RGS3: variants seen among roughly 807,000 people sequenced by gnomAD.
RGS3 encodes regulator of G protein signaling 3.
RGS3 carries 80 observed loss-of-function variants against 132.6 expected under a neutral mutation model. The observed-to-expected ratio is 0.60, with a 90% CI of 0.50 to 0.73. The LOEUF is 0.73. Among genes scored for constraint, RGS3 ranks in the 30% least tolerant of loss-of-function variants. The pLI, the probability that RGS3 is intolerant of heterozygous loss-of-function variation, is 0.00. For synonymous variants in RGS3, 598 were observed against 620.6 expected (o/e 0.96, Z 0.54); for missense variants, 1,382 against 1,530.8 (o/e 0.90, Z 1.62).
At chr9:113,555,751 C>G (rs1833541410) in intron 19 of RGS3, among the ~76,000 whole-genome samples, 1 of 152,114 alleles carries the variant, frequency 6.6e-6, no homozygotes, top group African/African-American at 2.4e-5. Context: ...AGGCGTGAGC[C>G]ACCCTGGCCG....
At chr9:113,578,848 C>G (rs1301125973) in intron 19 of RGS3, among the ~76,000 whole-genome samples, 1 of 152,154 alleles carries the variant, frequency 6.6e-6, no homozygotes, top group Non-Finnish European at 1.5e-5. Context: ...CCTTCCTGCC[C>G]TTTCTCACTT....
exon 15 of RGS3, chr9:113,514,548 G>A (rs1041033965): frequency 1.2e-6 from 2 of 1,614,210 alleles, no homozygotes; most frequent in Non-Finnish European, 1.7e-6. Context: ...AAGGGCCACG[G>A]GAACTACCAA....
At chr9:113,450,193 T>G (rs1207463700) in intron 1 of RGS3, among the ~76,000 whole-genome samples, 1 of 152,182 alleles carries the variant, frequency 6.6e-6, no homozygotes, top group Non-Finnish European at 1.5e-5. Flanking sequence ...CTCAGCCTCC[T>G]GAGTATTTGG....
At chr9:113,578,562 G>A (rs1834639899) in intron 19 of RGS3, among the ~76,000 whole-genome samples, 1 of 152,126 alleles carries the variant, frequency 6.6e-6, no homozygotes, top group African/African-American at 2.4e-5. Flanking sequence ...GAGGGTCTCT[G>A]AGCTGGTGGC....
chr9:113,558,390 C>G (rs1009021542), intron 19 of RGS3, among the ~76,000 whole-genome samples: 11 of 152,078 alleles, frequency 7.2e-5, no homozygotes, highest in Admixed American at 3.9e-4. Flanking sequence ...GTAATCCCAG[C>G]TACTTGGGAG....
exon 5 of RGS3, chr9:113,483,112 G>A (rs1044955029): frequency 3.7e-6 from 6 of 1,607,650 alleles, no homozygotes; most frequent in Non-Finnish European, 5.1e-6. Flanking sequence ...TGATCCGTAT[G>A]TGAAGGTATG....
At chr9:113,561,240 G>C (rs1463954528) in intron 19 of RGS3, among the ~76,000 whole-genome samples, 1 of 151,882 alleles carries the variant, frequency 6.6e-6, no homozygotes, top group Admixed American at 6.6e-5. Flanking sequence ...GGCCAGGCTG[G>C]TCTCAAACTC....
At chr9:113,505,591 C>G in intron 11 of RGS3, 68 bp downstream of exon 9, 1 of 1,311,124 alleles carries the variant, frequency 7.6e-7, no homozygotes, top group Non-Finnish European at 1.1e-6. Flanking sequence ...CAAACATAGT[C>G]TGGAACTAAA....
chr9:113,529,127 A>G (rs1406205064), intron 17 of RGS3, 94 bp from the exon 16 acceptor site: 1 of 959,944 alleles, frequency 1.0e-6, no homozygotes, highest in African/African-American at 1.6e-5. Flanking sequence ...TGCCACACAC[A>G]GCCTTCTGGG....
intron 19 of RGS3, among the ~76,000 whole-genome samples, chr9:113,554,686 A>G (rs1449424093): frequency 6.6e-6 from 1 of 152,162 alleles, no homozygotes. Flanking sequence ...TTTTTTACTG[A>G]GGCGTTATCT....
intron 19 of RGS3, among the ~76,000 whole-genome samples, chr9:113,564,433 A>C (rs567541438): frequency 6.6e-6 from 1 of 152,292 alleles, no homozygotes; most frequent in South Asian, 2.1e-4. Context: ...TATTCATCCC[A>C]CAGGTGGGCA....
intron 19 of RGS3, among the ~76,000 whole-genome samples, chr9:113,569,956 G>C (rs1027790088): frequency 2.0e-5 from 3 of 152,136 alleles, no homozygotes; most frequent in African/African-American, 7.2e-5. Context: ...CAGAGGTGTA[G>C]ACATGTTTCC....
At chr9:113,547,568 T>C (rs1050944611) in intron 19 of RGS3, among the ~76,000 whole-genome samples, 1 of 152,254 alleles carries the variant, frequency 6.6e-6, no homozygotes, top group Non-Finnish European at 1.5e-5. Context: ...CAAAAGTAAC[T>C]GTGGTGTTTT....
At chr9:113,548,261 C>T (rs558762723) in intron 19 of RGS3, among the ~76,000 whole-genome samples, 3 of 152,266 alleles carry the variant, frequency 2.0e-5, no homozygotes, top group South Asian at 4.1e-4. Context: ...GGGTCACAGA[C>T]GGTCTTAGGG....
At chr9:113,595,696 A>G in exon 24 of RGS3, 1 of 1,614,218 alleles carries the variant, frequency 6.2e-7, no homozygotes, top group Non-Finnish European at 8.5e-7. Flanking sequence ...AGGTCAAGTC[A>G]CAGTCCAAGA....
chr9:113,548,518 A>C (rs1833204936), intron 19 of RGS3, among the ~76,000 whole-genome samples: 1 of 152,226 alleles, frequency 6.6e-6, no homozygotes, highest in South Asian at 2.1e-4. Flanking sequence ...TTCTAAAAAT[A>C]GCAGTGGGAA....
chr9:113,545,834 C>T (rs747052337), intron 19 of RGS3, among the ~76,000 whole-genome samples: 8 of 152,200 alleles, frequency 5.3e-5, no homozygotes, highest in Non-Finnish European at 7.4e-5. Context: ...CATTTACTCT[C>T]ATTATGCCCA....
intron 3 of RGS3, among the ~76,000 whole-genome samples, chr9:113,472,333 G>A (rs1483888342): frequency 3.3e-5 from 5 of 152,090 alleles, no homozygotes; most frequent in Admixed American, 3.3e-4. Flanking sequence ...GTTCATAACG[G>A]CATTATTCAT....
intron 3 of RGS3, among the ~76,000 whole-genome samples, chr9:113,469,597 C>CAA (rs1010738013): frequency 6.9e-6 from 1 of 145,528 alleles, no homozygotes; most frequent in African/African-American, 2.5e-5. Flanking sequence ...TGACTTCTCA[C>CAA]AAAAAAAAAA....
Sources: allele counts gnomAD v4.1 joint callset (sites outside exome capture counted in the v4.1 genomes callset), GRCh38; gene constraint gnomAD v4.1.1; transcripts MANE v1.5; gene names NCBI Gene and HGNC (gene_info 2026-07-23, HGNC 2026-07-21).